CACNG8: variants seen among roughly 807,000 people sequenced by gnomAD.
CACNG8 encodes the protein voltage-dependent calcium channel gamma-8 subunit.
In CACNG8, 5 loss-of-function variants were observed where a neutral mutation model predicts 26.9. The ratio of observed to expected loss-of-function variants is 0.19; its 90% CI spans 0.10 to 0.39. CACNG8 has a LOEUF of 0.39. CACNG8 is among the 10% of genes least tolerant of loss of function. The probability of loss-of-function intolerance (pLI) is 1.00; values close to 1 mark genes in which losing one functional copy is unlikely to be tolerated. For synonymous variants in CACNG8, 321 were observed against 296.7 expected, an observed-to-expected ratio of 1.08 and a Z score of -0.84; for missense variants, 473 against 609.4, an observed-to-expected ratio of 0.78 and a Z score of 2.36.
chr19:53,969,728 T>C (rs888038543), intron 1 of CACNG8, among the ~76,000 whole-genome samples: 3 of 152,194 alleles, frequency 2.0e-5, no homozygotes, highest in Non-Finnish European at 4.4e-5. Flanking sequence ...CAATCTCCAT[T>C]TCCCTTTGGA....
intron 1 of CACNG8, among the ~76,000 whole-genome samples, chr19:53,965,314 C>T (rs1356700790): frequency 1.3e-5 from 2 of 152,166 alleles, no homozygotes; most frequent in African/African-American, 4.8e-5. Context: ...CTGTGTTCTA[C>T]CCTGACCACG....
In CACNG8 at chr19:53,985,826, ACT is replaced by A. The variant is rs1294807661; in HGVS notation, c.*2980_*2981del. ...GCTCCAGCCTGGGCGAAAGAGCGAG[ACT>A]CTGTCTCAAAAAAAAAAAAAAAATT... is the stretch of plus-strand genomic sequence containing the variant. On this transcript the variant is annotated 3_prime_UTR_variant, in exon 4 of 4. Coordinates refer to ENST00000270458, the MANE Select transcript of CACNG8 (RefSeq NM_031895.6). 3.2e-5 allele frequency: 4 copies of A among 126,298 alleles called. No individual in the cohort carries two copies. Among genetic ancestry groups the A allele is most frequent in the African/African-American group, 1.3e-4 (4 of 30,316 alleles). The allele number at this position is 126,298 out of a possible 1,614,324, so 7.8% of individuals were successfully genotyped here.
intron 2 of CACNG8, among the ~76,000 whole-genome samples, chr19:53,978,957 A>G (rs1423009380): frequency 4.9e-5 from 6 of 122,946 alleles, no homozygotes; most frequent in Non-Finnish European, 9.7e-5. Flanking sequence ...AAAGGAGGGG[A>G]GAGAGAGACC....
At position 53,982,883 on chromosome 19, in the gene CACNG8, G is replaced by GGCGCGTGCGCGGGC; in HGVS notation, c.*43_*56dup. The stretch of plus-strand genomic sequence containing the variant: ...CGGGGGAGCCGAGGGGCGTGTCCGG[G>GGCGCGTGCGCGGGC]GCGCGTGCGCGGGCGCGCGTGCATC... On this transcript the variant is annotated 3_prime_UTR_variant, in exon 4 of 4. Transcript: ENST00000270458. The surrounding 1 kb of genome is among the most constrained non-coding windows in gnomAD (Gnocchi z 8.4). 8.1e-7 allele frequency: 1 copy of GGCGCGTGCGCGGGC among 1,228,588 alleles called. No homozygotes were observed. Among genetic ancestry groups the GGCGCGTGCGCGGGC allele is most frequent in the Non-Finnish European group, 1.0e-6 (1 of 983,614 alleles). 76.1% of individuals were successfully genotyped at this position (1,228,588 alleles called of 1,614,324 possible). A position where few individuals can be genotyped will look rare whatever the true frequency, so the allele number is the denominator to read the frequency against.
At chr19:53,980,981 G>C (rs1318265847) in intron 3 of CACNG8, among the ~76,000 whole-genome samples, 4 of 152,036 alleles carry the variant, frequency 2.6e-5, no homozygotes, top group Non-Finnish European at 5.9e-5. Context: ...CGGAGTAGCT[G>C]GACCTGAGAC....
chr19:53,975,532 C>G (rs59362306), intron 1 of CACNG8, among the ~76,000 whole-genome samples: 1 of 151,960 alleles, frequency 6.6e-6, no homozygotes, highest in Non-Finnish European at 1.5e-5. Flanking sequence ...AGCGTATGCC[C>G]CCACACCCGG....
At chr19:53,980,373 G>T (rs1427378820) in intron 3 of CACNG8, among the ~76,000 whole-genome samples, 1 of 152,062 alleles carries the variant, frequency 6.6e-6, no homozygotes, top group Non-Finnish European at 1.5e-5. Flanking sequence ...GGGCTCTTGA[G>T]GATAGAGAGG....
chr19:53,966,835 G>A (rs543943973), intron 1 of CACNG8, among the ~76,000 whole-genome samples: 3 of 152,194 alleles, frequency 2.0e-5, no homozygotes, highest in South Asian at 2.1e-4. Flanking sequence ...ACAAATGACC[G>A]AGGGGAAGGC....
rs2069386246 is a variant in CACNG8 at position 53,983,180 on chromosome 19, G to GGGGAGGGGA, written c.*339_*347dup. The GGGGAGGGGA allele has an allele frequency of 6.7e-6, 1 of 149,028 alleles. No homozygotes were observed. Among genetic ancestry groups the GGGGAGGGGA allele is most frequent in the African/African-American group, 2.4e-5 (1 of 40,828 alleles). The allele number at this position is 149,028 out of a possible 1,614,324, so 9.2% of individuals were successfully genotyped here. ...GCTGTGTGCATGGGGGGCGGGGCGGGGGGAGGGGAGGGAGGGACTCCCAGC... is the reference window on the plus strand; with the variant it reads ...GCTGTGTGCATGGGGGGCGGGGCGGGGGGAGGGGAGGGAGGGGAGGGAGGGACTCCCAGC... On this transcript the variant is annotated 3_prime_UTR_variant, in exon 4 of 4. Transcript: ENST00000270458.
In CACNG8 at chr19:53,985,599, T is replaced by C. The variant is rs1468589538; in HGVS notation, c.*2750T>C. On this transcript the variant is annotated 3_prime_UTR_variant, in exon 4 of 4. Coordinates refer to ENST00000270458, the MANE Select transcript of CACNG8 (RefSeq NM_031895.6). ...TGCTGTGGCTCCTAATCCCAGCACT[T>C]TGGGAGACTGAGGCAGGCAGATTGA... is the stretch of plus-strand genomic sequence containing the variant. 6.6e-6 allele frequency: 1 copy of C among 151,986 alleles called. No homozygotes were observed. The highest frequency in any genetic ancestry group is 2.4e-5 in the African/African-American group (1 of 41,378). 9.4% of individuals were successfully genotyped at this position (151,986 alleles called of 1,614,324 possible). A position where few individuals can be genotyped will look rare whatever the true frequency, so the allele number is the denominator to read the frequency against.
rs2069251634 is a variant in CACNG8, at chr19:53,963,038, C to T, written c.-105C>T. 3 of 416,036 alleles carry T rather than the reference C, an allele frequency of 7.2e-6. No homozygotes were observed. Among genetic ancestry groups the T allele is most frequent in the South Asian group, 9.3e-5 (1 of 10,738 alleles). 25.8% of individuals were successfully genotyped at this position (416,036 alleles called of 1,614,324 possible). A position where few individuals can be genotyped will look rare whatever the true frequency, so the allele number is the denominator to read the frequency against. On this transcript the variant is annotated 5_prime_UTR_variant, in exon 1 of 4. Transcript: ENST00000270458. ...CCTCCCCAGCCCCGCCGGCCCCGGGCCCCCCGCTTCTGCCTGCGCTGTGAA... is the reference window on the plus strand; with the variant it reads ...CCTCCCCAGCCCCGCCGGCCCCGGGTCCCCCGCTTCTGCCTGCGCTGTGAA...
At chr19:53,980,071 T>C in intron 3 of CACNG8, 64 bp downstream of exon 3, 2 of 1,430,114 alleles carry the variant, frequency 1.4e-6, no homozygotes, top group Non-Finnish European at 1.9e-6. Context: ...TGTGTGTGTG[T>C]GTGTGTGTGT....
intron 1 of CACNG8, among the ~76,000 whole-genome samples, chr19:53,974,173 T>G (rs2069317832): frequency 1.3e-5 from 2 of 152,196 alleles, no homozygotes; most frequent in Non-Finnish European, 2.9e-5. Flanking sequence ...AATTTGATTA[T>G]TCCAGGAATT....
chr19:53,974,732 C>G (rs1462032898), intron 1 of CACNG8, among the ~76,000 whole-genome samples: 1 of 152,022 alleles, frequency 6.6e-6, no homozygotes, highest in East Asian at 1.9e-4. Flanking sequence ...ACCTCCACCT[C>G]CTGGGTTCAA....
At chr19:53,970,367 G>A (rs562865184) in intron 1 of CACNG8, among the ~76,000 whole-genome samples, 33 of 147,748 alleles carry the variant, frequency 2.2e-4, no homozygotes, top group Middle Eastern at 3.8e-3. Context: ...CTCACGCCTT[G>A]TAATCCCAGC....
rs2145943117 is a variant in CACNG8, at chr19:53,982,904, G to A, written c.*55G>A. The A allele has an allele frequency of 8.6e-7, 1 of 1,166,614 alleles. No homozygotes were observed. The highest frequency in any genetic ancestry group is 1.1e-6 in the Non-Finnish European group (1 of 936,634). 72.3% of individuals were successfully genotyped at this position (1,166,614 alleles called of 1,614,324 possible). On this transcript the variant is annotated 3_prime_UTR_variant, in exon 4 of 4. Transcript: ENST00000270458. This position sits in a 1 kb window ranked among gnomAD's most constrained non-coding sequence, Gnocchi z 8.4. ...CCGGGGCGCGTGCGCGGGCGCGCGT[G>A]CATCGAGGCTGCCGGGGTCGGGGGC...
rs987722758 is a variant in CACNG8, at chr19:53,967,561, G to A, written c.283+4136G>A. On this transcript the variant is annotated intron_variant, in intron 1 of 3. Coordinates refer to ENST00000270458, the MANE Select transcript of CACNG8 (RefSeq NM_031895.6). Reference sequence around the variant, plus strand: ...CACTAAAATCTGAATTTCACTGGGCGCAGTGGCTCACACCTGTAATCCCAG... The same window carrying A: ...CACTAAAATCTGAATTTCACTGGGCACAGTGGCTCACACCTGTAATCCCAG... 3.3e-5 allele frequency among the ~76,000 whole-genome samples: 5 copies of A among 152,134 alleles called. 1 individual carries two copies. Among genetic ancestry groups the A allele is most frequent in the South Asian group, 4.1e-4 (2 of 4,832 alleles).
intron 2 of CACNG8, among the ~76,000 whole-genome samples, chr19:53,979,108 G>A (rs2069348357): frequency 6.8e-6 from 1 of 146,752 alleles, no homozygotes; most frequent in Non-Finnish European, 1.5e-5. Flanking sequence ...GACAGAAAAA[G>A]TTGTGGGTGG....
chr19:53,980,205 G>A (rs1313072252), intron 3 of CACNG8, among the ~76,000 whole-genome samples, 198 bp downstream of exon 3: 1 of 152,146 alleles, frequency 6.6e-6, no homozygotes, highest in Non-Finnish European at 1.5e-5. Flanking sequence ...CCACCCGCTG[G>A]GTAAGGTGGG....
Sources: gnomAD v4.1 joint callset for allele counts (sites outside exome capture counted in the v4.1 genomes callset) on GRCh38, gnomAD v4.1.1 for gene constraint, Gnocchi (gnomAD v3.1) non-coding constraint, MANE v1.5 for transcripts, NCBI Gene and HGNC (gene_info 2026-07-23, HGNC 2026-07-21) for gene names.